The following TRIP13 variants were observed in gnomAD, a reference collection of about 807,000 sequenced individuals.
TRIP13 encodes thyroid hormone receptor interactor 13.
A neutral mutation model predicts 54.4 loss-of-function variants in TRIP13; 25 were observed. That is an observed-to-expected ratio of 0.46 (90% CI 0.33 to 0.64). TRIP13 has a LOEUF of 0.64. Among genes scored for constraint, TRIP13 ranks in the 30% least tolerant of loss-of-function variants. The pLI is 0.02. For missense variants in TRIP13, 373 were observed against 534.2 expected (o/e 0.70, Z 2.97); for synonymous variants, 207 against 207.8 (o/e 1.00, Z 0.03).
At position 892,982 on chromosome 5, in the gene TRIP13, C is replaced by G. The variant is rs1467781730; in HGVS notation, c.-17C>G. 3 of 1,551,776 alleles carry G rather than the reference C, an allele frequency of 1.9e-6. No homozygotes were observed. The highest frequency in any genetic ancestry group is 1.9e-5 in the Admixed American group (1 of 52,310). On this transcript the variant is annotated 5_prime_UTR_variant, in exon 1 of 13. Coordinates refer to ENST00000166345, the MANE Select transcript of TRIP13 (RefSeq NM_004237.4). Reference sequence around the variant, plus strand: ...CGGCCGCGCCCTGGTTGGGTCCCCACTGCTCTCGGGGGCGCCATGGACGAG... The same window carrying G: ...CGGCCGCGCCCTGGTTGGGTCCCCAGTGCTCTCGGGGGCGCCATGGACGAG...
chr5:893,400 C>A (rs887744520), intron 1 of TRIP13, among the ~76,000 whole-genome samples: 2 of 152,206 alleles, frequency 1.3e-5, no homozygotes, highest in African/African-American at 4.8e-5. Context: ...CCCGGCTGTC[C>A]TCCAGTGCAT....
At position 901,382 on chromosome 5, in the gene TRIP13, G is replaced by C. The variant is rs771715711; in HGVS notation, c.486G>C (p.Lys162Asn). The change falls in exon 5 of 13, where the codon AAG becomes AAC. Residue 162 changes from lysine to asparagine, a missense_variant. Transcript: ENST00000166345. The stretch of plus-strand genomic sequence containing the variant: ...TGACAACTTTACTGTTTTCAGACAA[G>C]AACGTCAACAGCAACCTCATCACCT... ...YVMTTLLFSD[K>N]NVNSNLITWN... 6.2e-7 allele frequency: 1 copy of C among 1,614,172 alleles called. No homozygotes were observed. The highest frequency in any genetic ancestry group is 8.5e-7 in the Non-Finnish European group (1 of 1,180,028).
In TRIP13 at chr5:900,765, C is replaced by T. The variant is rs73734002; in HGVS notation, c.444+216C>T. Among the ~76,000 whole-genome samples the T allele has an allele frequency of 0.047, 7,180 of 152,122 alleles. 532 individuals are homozygous for T. Among genetic ancestry groups the T allele is most frequent in the African/African-American group, 0.16 (6,596 of 41,450 alleles). Reference sequence around the variant, plus strand: ...TGAGGGAGAAGAGGGAAAGGGAGAACGTGAAGGCAACTTAGAGAATTAAAC... The same window carrying T: ...TGAGGGAGAAGAGGGAAAGGGAGAATGTGAAGGCAACTTAGAGAATTAAAC... On this transcript the variant is annotated intron_variant, in intron 4 of 12. Coordinates refer to ENST00000166345, the MANE Select transcript of TRIP13 (RefSeq NM_004237.4).
chr5:895,453 C>A (rs1753893903), intron 2 of TRIP13, among the ~76,000 whole-genome samples: 1 of 152,000 alleles, frequency 6.6e-6, no homozygotes, highest in South Asian at 2.1e-4. Flanking sequence ...GATTCTGGCA[C>A]CAGTATAAAA....
intron 12 of TRIP13, 43 bp downstream of exon 12, chr5:916,016 G>A (rs1425716769): frequency 6.3e-7 from 1 of 1,592,380 alleles, no homozygotes; most frequent in Admixed American, 1.7e-5. Flanking sequence ...CCTGTCCACA[G>A]GTCTCAGCCT....
intron 6 of TRIP13, among the ~76,000 whole-genome samples, chr5:905,235 G>A (rs550049824): frequency 5.9e-4 from 90 of 152,174 alleles, no homozygotes; most frequent in African/African-American, 1.3e-3. Context: ...TGAAGGATCC[G>A]TGGGCACTCT....
Position 914,530 on chromosome 5 carries a change from TG to T in TRIP13, c.1087del (p.Glu363LysfsTer7). 1 of 1,613,782 alleles carries T rather than the reference TG, an allele frequency of 6.2e-7. No individual in the cohort carries two copies. The highest frequency in any genetic ancestry group is 8.5e-7 in the Non-Finnish European group (1 of 1,179,968). ...GAGAGCTAGAGATGATTGGCTTCAT[TG>T]AAAACAACGTGTCAAAATTGAGCCT... ...LRELEMIGFIENNVSKLSLLL... is the reference protein window; with the variant it reads ...LRELEMIGFIXNNVSKLSLLL... On this transcript the variant is annotated frameshift_variant, in exon 11 of 13. Transcript: ENST00000166345. LOFTEE classifies it high-confidence loss of function.
chr5:893,201 G>A (rs1270822222), intron 1 of TRIP13, 111 bp downstream of exon 1: 3 of 1,115,404 alleles, frequency 2.7e-6, no homozygotes, highest in Non-Finnish European at 1.3e-6. Flanking sequence ...GAACCCCAGG[G>A]TACTGATCCG....
At chr5:901,006 TAAC>T (rs1753975231) in intron 4 of TRIP13, among the ~76,000 whole-genome samples, 1 of 152,204 alleles carries the variant, frequency 6.6e-6, no homozygotes, top group South Asian at 2.1e-4. Context: ...TTGCGAATAA[TAAC>T]TGCTGTATCA....
At chr5:899,773 G>A (rs1753942422) in intron 3 of TRIP13, among the ~76,000 whole-genome samples, 1 of 46,696 alleles carries the variant, frequency 2.1e-5, no homozygotes, top group Non-Finnish European at 3.5e-5. Context: ...GGCAGGCCAA[G>A]CCCAGGGCTT....
In TRIP13 at chr5:907,205, A is replaced by G; in HGVS notation, c.672+12A>G. On this transcript the variant is annotated intron_variant, in intron 7 of 12. Coordinates refer to ENST00000166345, the MANE Select transcript of TRIP13 (RefSeq NM_004237.4). This position sits in a 1 kb window ranked among gnomAD's most constrained non-coding sequence, Gnocchi z 4.1. Reference sequence around the variant, plus strand: ...AGTGGTTTTCGGAAGTAAGTATTAAATATTAATTCTAATTGTCTGGATTGT... The same window carrying G: ...AGTGGTTTTCGGAAGTAAGTATTAAGTATTAATTCTAATTGTCTGGATTGT... 1 of 1,604,322 alleles carries G rather than the reference A, an allele frequency of 6.2e-7. No individual in the cohort carries two copies. The highest frequency in any genetic ancestry group is 8.5e-7 in the Non-Finnish European group (1 of 1,171,214).
intron 5 of TRIP13, among the ~76,000 whole-genome samples, chr5:902,714 G>A (rs111252872): frequency 6.6e-6 from 1 of 152,154 alleles, no homozygotes; most frequent in East Asian, 1.9e-4. Context: ...CCACCAAGAC[G>A]CGGAGACCGG....
Position 892,903 on chromosome 5 carries a change from G to A in TRIP13, c.-96G>A. 4 of 1,246,164 alleles carry A rather than the reference G, an allele frequency of 3.2e-6. No individual in the cohort carries two copies. The highest frequency in any genetic ancestry group is 4.2e-6 in the Non-Finnish European group (4 of 946,870). The allele number at this position is 1,246,164 out of a possible 1,614,324, so 77.2% of individuals were successfully genotyped here. Reference sequence around the variant, plus strand: ...CGCGGCAGATTCGAAGCTAGGGCGGGGCCCGCGGGCTGAGGCAGCGGCTGT... The same window carrying A: ...CGCGGCAGATTCGAAGCTAGGGCGGAGCCCGCGGGCTGAGGCAGCGGCTGT... On this transcript the variant is annotated 5_prime_UTR_variant, in exon 1 of 13. Transcript: ENST00000166345.
In TRIP13 at chr5:914,483, C is replaced by T. The variant is rs951037088; in HGVS notation, c.1039C>T (p.Arg347Cys). The change falls in exon 11 of 13, where the codon CGC becomes TGC. Residue 347 changes from arginine (R) to cysteine (C), a missense_variant. Arg to Cys is a radical substitution (Grantham distance 180). Transcript: ENST00000166345. Reference protein sequence around the residue: ...ELMKCQIIYPRQQLLTLRELE... With the variant: ...ELMKCQIIYPCQQLLTLRELE... ...TCCCCAGTGTCAGATCATATACCCT[C>T]GCCAGCAGCTGCTGACCCTCCGAGA... The T allele has an allele frequency of 1.3e-5, 21 of 1,613,038 alleles. No homozygotes were observed. Among genetic ancestry groups the T allele is most frequent in the Middle Eastern group, 1.6e-4 (1 of 6,078 alleles).
rs1754169654 is a variant in TRIP13 at position 908,729 on chromosome 5, C to CAG, written c.866+269_866+270dup. The CAG allele has an allele frequency of 9.2e-7, 1 of 1,087,216 alleles. No homozygotes were observed. The highest frequency in any genetic ancestry group is 1.6e-5 in the African/African-American group (1 of 61,294). 67.3% of individuals were successfully genotyped at this position (1,087,216 alleles called of 1,614,324 possible). On this transcript the variant is annotated intron_variant, in intron 9 of 12. Transcript: ENST00000166345. The surrounding 1 kb of genome is among the most constrained non-coding windows in gnomAD (Gnocchi z 5.2). Reference sequence around the variant, plus strand: ...ATCCCAGCACTTTGGGAGGCCGAGGCAGGCGGATCACAAGGTCAGTAGATT... The same window carrying CAG: ...ATCCCAGCACTTTGGGAGGCCGAGGCAGAGGCGGATCACAAGGTCAGTAGATT...
chr5:906,173 G>A (rs1473450024), intron 6 of TRIP13, among the ~76,000 whole-genome samples: 2 of 152,172 alleles, frequency 1.3e-5, no homozygotes, highest in Non-Finnish European at 2.9e-5. Context: ...GGTGACGGGA[G>A]TGAGACCCTG....
Position 914,554 on chromosome 5 carries a change from C to T in TRIP13, c.1110C>T (p.Ser370=), listed in dbSNP as rs145170850. ...TTGAAAACAACGTGTCAAAATTGAG[C>T]CTTCTTTTGAATGACATTTCAAGGT... ...GFIENNVSKL[S]LLLNDISRKS... Residue 370 remains serine (S), a synonymous_variant, in exon 11 of 13, where the codon AGC becomes AGT. Transcript: ENST00000166345. 4.1e-4 allele frequency: 665 copies of T among 1,613,306 alleles called. 2 individuals carry two copies. The African/African-American group carries it at 6.7e-3, about 16-fold the overall frequency.
rs1754155389 is a variant in TRIP13 at position 908,143 on chromosome 5, C to T, written c.759+69C>T. 1.9e-6 allele frequency: 3 copies of T among 1,551,964 alleles called. No homozygotes were observed. Among genetic ancestry groups the T allele is most frequent in the African/African-American group, 2.7e-5 (2 of 73,690 alleles). On this transcript the variant is annotated intron_variant, in intron 8 of 12. Coordinates refer to ENST00000166345, the MANE Select transcript of TRIP13 (RefSeq NM_004237.4). The surrounding 1 kb of genome is among the most constrained non-coding windows in gnomAD (Gnocchi z 5.2). Reference sequence around the variant, plus strand: ...TGCCATTGTGGGGACACAGCCTACTCCTGATGCTCCTAGCTTTCCCCTCCT... The same window carrying T: ...TGCCATTGTGGGGACACAGCCTACTTCTGATGCTCCTAGCTTTCCCCTCCT...
chr5:912,468 G>T lies in TRIP13; in HGVS notation c.1020+472G>T, dbSNP rs910605400. Among the ~76,000 whole-genome samples the T allele has an allele frequency of 2.6e-5, 4 of 152,166 alleles. No homozygotes were observed. The highest frequency in any genetic ancestry group is 2.6e-4 in the Admixed American group (4 of 15,286). On this transcript the variant is annotated intron_variant, in intron 10 of 12. Transcript: ENST00000166345. The surrounding 1 kb of genome is among the most constrained non-coding windows in gnomAD (Gnocchi z 7.2). ...TGTTGTGATGATAGGCAGGAACACT[G>T]TTGCCGTGGGCAGAGCGACGCGTGC...
Sources: gnomAD v4.1 joint callset for allele counts (sites outside exome capture counted in the v4.1 genomes callset) on GRCh38, gnomAD v4.1.1 for gene constraint, Gnocchi (gnomAD v3.1) non-coding constraint, MANE v1.5 for transcripts, NCBI Gene and HGNC (gene_info 2026-07-23, HGNC 2026-07-21) for gene names.